The following FKBP10 variants were observed in gnomAD, a reference collection of about 807,000 sequenced individuals.
The protein encoded by FKBP10 is FKBP prolyl isomerase 10.
A neutral mutation model predicts 53.7 loss-of-function variants in FKBP10; 34 were observed. The ratio of observed to expected loss-of-function variants is 0.63; its 90% CI spans 0.48 to 0.84. FKBP10 has a LOEUF of 0.84. Ranked by LOEUF, FKBP10 falls within the 40% of genes least tolerant of loss-of-function variation. The pLI, the probability that FKBP10 is intolerant of heterozygous loss-of-function variation, is 0.00. For missense variants in FKBP10, 748 were observed against 797.8 expected, an observed-to-expected ratio of 0.94 and a Z score of 0.75; for synonymous variants, 324 against 335.7, an observed-to-expected ratio of 0.97 and a Z score of 0.38.
Position 41,822,682 on chromosome 17 carries a change from T to C in FKBP10, c.*274T>C. The C allele has an allele frequency of 1.9e-6, 1 of 517,814 alleles. No homozygotes were observed. Among genetic ancestry groups the C allele is most frequent in the Non-Finnish European group, 3.5e-6 (1 of 285,004 alleles). The allele number at this position is 517,814 out of a possible 1,614,324, so 32.1% of individuals were successfully genotyped here. On this transcript the variant is annotated 3_prime_UTR_variant, in exon 10 of 10. Coordinates refer to ENST00000321562, the MANE Select transcript of FKBP10 (RefSeq NM_021939.4). ...AATTTGGGGCCTGTGGAGCCTGGGG[T>C]TGGATAGGGCCATGGCTGGTCCCCC...
At chr17:41,820,210 A>G in intron 6 of FKBP10, 59 bp from the exon 7 acceptor site, 1 of 1,559,602 alleles carries the variant, frequency 6.4e-7, no homozygotes, top group South Asian at 1.1e-5. Flanking sequence ...CCATGGAGAG[A>G]CCTCAAGTAG....
At chr17:41,817,611 C>G (rs1361557698) in intron 2 of FKBP10, among the ~76,000 whole-genome samples, 3 of 144,610 alleles carry the variant, frequency 2.1e-5, no homozygotes, top group Non-Finnish European at 4.5e-5. Context: ...TGTGACAGAG[C>G]AAAACCCCTC....
At position 41,813,123 on chromosome 17, in the gene FKBP10, G is replaced by A. The variant is rs1278379026; in HGVS notation, c.89G>A (p.Gly30Glu). The change falls in exon 1 of 10, where the codon GGG becomes GAG. Residue 30 changes from glycine (G) to glutamate (E), a missense_variant. By Grantham distance (98) the Gly-to-Glu change is moderately conservative. Coordinates refer to ENST00000321562, the MANE Select transcript of FKBP10 (RefSeq NM_021939.4). ...LLLVVQAVGR[G>E]LGRASPAGGP... ...CTGGTGGTGCAGGCCGTGGGGAGGG[G>A]GCTGGGCCGCGCCAGCCCGGCCGGG... 6.2e-7 allele frequency: 1 copy of A among 1,611,462 alleles called. No individual in the cohort carries two copies. Among genetic ancestry groups the A allele is most frequent in the Non-Finnish European group, 8.5e-7 (1 of 1,179,696 alleles).
At chr17:41,817,284 T>C in intron 2 of FKBP10, 81 bp downstream of exon 2, 1 of 1,568,600 alleles carries the variant, frequency 6.4e-7, no homozygotes, top group East Asian at 2.2e-5. Flanking sequence ...AAAACTGAAG[T>C]GCGGAGATGA....
chr17:41,816,951 A>AG (rs2047823596), intron 1 of FKBP10, 107 bp from the exon 2 acceptor site: 1 of 1,417,632 alleles, frequency 7.1e-7, no homozygotes, highest in African/African-American at 1.4e-5. Context: ...GGCTATAGGG[A>AG]GGGGGGATTG....
Position 41,820,343 on chromosome 17 carries a change from G to A in FKBP10, c.1138G>A (p.Val380Met). ...VIDFHNPADV[V>M]EIRTLSRPSE... ...TGACTTCCACAACCCTGCGGATGTG[G>A]TGGAAATCAGGACACTGTCCCGGCC... is the stretch of plus-strand genomic sequence containing the variant. The change falls in exon 7 of 10, where the codon GTG becomes ATG. Residue 380 changes from valine (V) to methionine (M), a missense_variant. Coordinates refer to ENST00000321562, the MANE Select transcript of FKBP10 (RefSeq NM_021939.4). The A allele has an allele frequency of 6.2e-7, 1 of 1,614,206 alleles. No individual in the cohort carries two copies. Among genetic ancestry groups the A allele is most frequent in the Non-Finnish European group, 8.5e-7 (1 of 1,180,036 alleles).
rs1476831557 is a variant in FKBP10, at chr17:41,820,980, CG to C, written c.1294del (p.Ala432ProfsTer4). 6 of 1,611,838 alleles carry C rather than the reference CG, an allele frequency of 3.7e-6. No homozygotes were observed. The highest frequency in any genetic ancestry group is 5.1e-6 in the Non-Finnish European group (6 of 1,179,338). On this transcript the variant is annotated frameshift_variant, in exon 8 of 10. Transcript: ENST00000321562. LOFTEE classifies it high-confidence loss of function. ...ACGGGGCCCCCCAGGAGGCGACTCT[CG>C]GGGCCAACAAGGTGATCGAAGGCCT... ...DYGAPQEATL[G>X]ANKVIEGLDT...
At chr17:41,818,658 C>T (rs2047847436) in intron 4 of FKBP10, 131 bp downstream of exon 4, 1 of 1,270,594 alleles carries the variant, frequency 7.9e-7, no homozygotes, top group African/African-American at 1.5e-5. Context: ...TGAAATCTAC[C>T]CTTGGTGCTA....
At chr17:41,821,398 T>TA (rs1421863303) in intron 8 of FKBP10, among the ~76,000 whole-genome samples, 1 of 152,124 alleles carries the variant, frequency 6.6e-6, no homozygotes, top group Non-Finnish European at 1.5e-5. Context: ...GCTGGGATTA[T>TA]AATCATGAGC....
At chr17:41,814,077 C>T (rs1382360678) in intron 1 of FKBP10, among the ~76,000 whole-genome samples, 1 of 152,120 alleles carries the variant, frequency 6.6e-6, no homozygotes, top group Admixed American at 6.5e-5. Flanking sequence ...CTTTTGTTAG[C>T]GGGGACAGGG....
intron 8 of FKBP10, 50 bp downstream of exon 8, chr17:41,821,139 T>TGTGTTGG: frequency 1.2e-6 from 1 of 804,772 alleles, no homozygotes; most frequent in Non-Finnish European, 1.8e-6. Flanking sequence ...TTTTTTTTTT[T>TGTGTTGG]TGAGATGGAG....
At chr17:41,814,638 G>A (rs2047792552) in intron 1 of FKBP10, among the ~76,000 whole-genome samples, 1 of 152,198 alleles carries the variant, frequency 6.6e-6, no homozygotes, top group African/African-American at 2.4e-5. Context: ...CAGAAGTGCA[G>A]CCCTGAGCCC....
chr17:41,819,890 T>C (rs1555616737), intron 6 of FKBP10: 1 of 1,543,172 alleles, frequency 6.5e-7, no homozygotes, highest in East Asian at 2.5e-5. Flanking sequence ...CCTTCCGCAG[T>C]GGAGAAGGGC....
chr17:41,819,589 T>C lies in FKBP10; in HGVS notation c.977T>C (p.Met326Thr). ...GGGCAGGGTTACATCATCCCCGGGA[T>C]GGACCAGGGGCTGCAGGGTGCCTGC... Reference protein sequence around the residue: ...YIGQGYIIPGMDQGLQGACMG... With the variant: ...YIGQGYIIPGTDQGLQGACMG... The change falls in exon 6 of 10, where the codon ATG (methionine) becomes ACG (threonine). Residue 326 changes from methionine to threonine, a missense_variant. Met to Thr is a moderately conservative substitution (Grantham distance 81). Coordinates refer to ENST00000321562, the MANE Select transcript of FKBP10 (RefSeq NM_021939.4). 1 of 1,614,076 alleles carries C rather than the reference T, an allele frequency of 6.2e-7. No homozygotes were observed.
intron 9 of FKBP10, among the ~76,000 whole-genome samples, chr17:41,822,019 C>G (rs2047898328): frequency 6.6e-6 from 1 of 152,122 alleles, no homozygotes; most frequent in Non-Finnish European, 1.5e-5. Flanking sequence ...CAGTCACAGA[C>G]TATCCCCATG....
chr17:41,821,727 A>G lies in FKBP10; in HGVS notation c.1473A>G (p.Thr491=). 3.1e-6 allele frequency: 5 copies of G among 1,614,138 alleles called. No individual in the cohort carries two copies. The highest frequency in any genetic ancestry group is 2.2e-5 in the East Asian group (1 of 44,870). ...TGTCCCGGGAGGATGGGCTGCCCAC[A>G]GGCTACCTGTTTGTGTGGCACAAGG... ...ELVSREDGLP[T]GYLFVWHKDP... The change falls in exon 9 of 10, where the codon ACA becomes ACG. Residue 491 remains threonine, a synonymous_variant. Coordinates refer to ENST00000321562, the MANE Select transcript of FKBP10 (RefSeq NM_021939.4).
At chr17:41,818,067 C>T in intron 2 of FKBP10, 22 bp from the exon 3 acceptor site, 1 of 1,576,642 alleles carries the variant, frequency 6.3e-7, no homozygotes. Context: ...TCTGAGACCT[C>T]CACGCTGCTG....
chr17:41,819,352 C>G lies in FKBP10; in HGVS notation c.870C>G (p.Arg290=). The G allele has an allele frequency of 6.2e-7, 1 of 1,613,950 alleles. No homozygotes were observed. The highest frequency in any genetic ancestry group is 8.5e-7 in the Non-Finnish European group (1 of 1,179,992). The change falls in exon 5 of 10, where the codon CGC becomes CGG. Residue 290 remains arginine (R), a synonymous_variant. Coordinates refer to ENST00000321562, the MANE Select transcript of FKBP10 (RefSeq NM_021939.4). ...GAGCCGGGGCCGGGGACTTCATGCG[C>G]TACCACTACAATGGCTCCTTGATGG... ...VRRAGAGDFM[R]YHYNGSLMDG...
chr17:41,822,627 C>A lies in FKBP10; in HGVS notation c.*219C>A. 1.6e-6 allele frequency: 1 copy of A among 615,556 alleles called. No individual in the cohort carries two copies. The highest frequency in any genetic ancestry group is 2.8e-6 in the Non-Finnish European group (1 of 351,694). The allele number at this position is 615,556 out of a possible 1,614,324, so 38.1% of individuals were successfully genotyped here. A position where few individuals can be genotyped will look rare whatever the true frequency, so the allele number is the denominator to read the frequency against. ...GTGTTTCTCTTCCATCCCTAAACCACTTCCTTAAAATGTTTGGATTTGCAA... is the reference window on the plus strand; with the variant it reads ...GTGTTTCTCTTCCATCCCTAAACCAATTCCTTAAAATGTTTGGATTTGCAA... On this transcript the variant is annotated 3_prime_UTR_variant, in exon 10 of 10. Coordinates refer to ENST00000321562, the MANE Select transcript of FKBP10 (RefSeq NM_021939.4).
Sources: allele counts gnomAD v4.1 joint callset (sites outside exome capture counted in the v4.1 genomes callset), GRCh38; gene constraint gnomAD v4.1.1; transcripts MANE v1.5; gene names NCBI Gene and HGNC (gene_info 2026-07-23, HGNC 2026-07-21).